SLC25A33: variants seen among roughly 807,000 people sequenced by gnomAD.
SLC25A33 encodes bone marrow stromal cell mitochondrial carrier protein.
A neutral mutation model predicts 35.5 loss-of-function variants in SLC25A33; 15 were observed. That is an observed-to-expected ratio of 0.42 (90% confidence interval 0.28 to 0.65). The LOEUF is 0.65. SLC25A33 is among the 30% of genes least tolerant of loss of function. The probability of loss-of-function intolerance (pLI) is 0.20; values close to 1 mark genes in which losing one functional copy is unlikely to be tolerated. For synonymous variants in SLC25A33, 136 were observed against 148.7 expected (o/e 0.91, Z 0.62); for missense variants, 257 against 398.5 (o/e 0.64, Z 3.02).
chr1:9,539,654 G>C lies in SLC25A33; in HGVS notation c.-38G>C. On this transcript the variant is annotated 5_prime_UTR_variant, in exon 1 of 7. Transcript: ENST00000302692. Reference sequence around the variant, plus strand: ...ATCCCTCGAGCCGCCACGCGCTCTCGCCACCGGGCGGCGACGGGCCGCGGA... The same window carrying C: ...ATCCCTCGAGCCGCCACGCGCTCTCCCCACCGGGCGGCGACGGGCCGCGGA... The C allele has an allele frequency of 6.8e-6, 9 of 1,332,090 alleles. No homozygotes were observed. The highest frequency in any genetic ancestry group is 8.6e-6 in the Non-Finnish European group (9 of 1,043,798). The allele number at this position is 1,332,090 out of a possible 1,614,324, so 82.5% of individuals were successfully genotyped here.
chr1:9,541,664 T>G (rs1028340659), intron 1 of SLC25A33, among the ~76,000 whole-genome samples: 1 of 150,566 alleles, frequency 6.6e-6, no homozygotes, highest in Non-Finnish European at 1.5e-5. Context: ...TTGTCTTTCT[T>G]GGGAATTTTA....
rs1207426361 is a variant in SLC25A33, at chr1:9,584,095, A to G, written c.*1594A>G. 6.6e-6 allele frequency: 1 copy of G among 152,084 alleles called. No individual in the cohort carries two copies. The allele number at this position is 152,084 out of a possible 1,614,324, so 9.4% of individuals were successfully genotyped here. On this transcript the variant is annotated 3_prime_UTR_variant, in exon 7 of 7. Coordinates refer to ENST00000302692, the MANE Select transcript of SLC25A33 (RefSeq NM_032315.3). ...TAAGAAGAAGGCAAGTAAAACCCCT[A>G]GTCTTCCATTAGCTCTTTCACTGGA...
chr1:9,552,224 ATTT>A (rs796523623), intron 1 of SLC25A33, among the ~76,000 whole-genome samples: 2 of 148,268 alleles, frequency 1.3e-5, no homozygotes, highest in African/African-American at 4.9e-5. Flanking sequence ...GATTAATCAG[ATTT>A]TTTTTTTTAA....
At chr1:9,542,926 G>A (rs975359090) in intron 1 of SLC25A33, among the ~76,000 whole-genome samples, 6 of 150,676 alleles carry the variant, frequency 4.0e-5, no homozygotes, top group East Asian at 2.0e-4. Context: ...AATTTGATTC[G>A]CGTGCCTCAG....
chr1:9,576,501 T>C (rs760894258), intron 5 of SLC25A33: 3 of 505,212 alleles, frequency 5.9e-6, no homozygotes, highest in Non-Finnish European at 1.2e-5. Flanking sequence ...GATGCACAGT[T>C]ACTGTGAATG....
At chr1:9,570,765 T>C (rs568107920) in intron 4 of SLC25A33, among the ~76,000 whole-genome samples, 2 of 143,450 alleles carry the variant, frequency 1.4e-5, no homozygotes, top group East Asian at 4.3e-4. Context: ...TGGACTGGAG[T>C]GCAGTGGTGC....
rs1471393849 is a variant in SLC25A33, at chr1:9,550,009, A to AT, written c.57-3616dup. 9.4e-3 allele frequency among the ~76,000 whole-genome samples: 486 copies of AT among 51,788 alleles called. 6 individuals carry two copies. Among genetic ancestry groups the AT allele is most frequent in the Non-Finnish European group, 0.014 (376 of 26,938 alleles). 34.0% of individuals were successfully genotyped at this position (51,788 alleles called of 152,430 possible). A position where few individuals can be genotyped will look rare whatever the true frequency, so the allele number is the denominator to read the frequency against. ...ATTTTTTCTATACATATATATATATATATTTTTTTTTTTTTTTTTTTTTTT... is the reference window on the plus strand; with the variant it reads ...ATTTTTTCTATACATATATATATATATTATTTTTTTTTTTTTTTTTTTTTTT... On this transcript the variant is annotated intron_variant, in intron 1 of 6. Transcript: ENST00000302692.
At chr1:9,556,713 C>CTGTG (rs941215777) in intron 2 of SLC25A33, among the ~76,000 whole-genome samples, 4 of 148,298 alleles carry the variant, frequency 2.7e-5, no homozygotes, top group African/African-American at 1.0e-4. Flanking sequence ...GTGTGTGTGT[C>CTGTG]TGTGTGTCTG....
rs141239153 is a variant in SLC25A33 at position 9,576,022 on chromosome 1, G to A, written c.482+2610G>A. 9.1e-4 allele frequency among the ~76,000 whole-genome samples: 138 copies of A among 152,232 alleles called. 1 individual carries two copies. Among genetic ancestry groups the A allele is most frequent in the Middle Eastern group, 3.4e-3 (1 of 294 alleles). On this transcript the variant is annotated intron_variant, in intron 5 of 6. Coordinates refer to ENST00000302692, the MANE Select transcript of SLC25A33 (RefSeq NM_032315.3). ...TCCTCCTAATTCCAAGTGTCCCATA[G>A]TAAACTCATATCACTTCTGTTTAGC...
chr1:9,565,563 A>G (rs551478740), intron 2 of SLC25A33, among the ~76,000 whole-genome samples: 2 of 151,426 alleles, frequency 1.3e-5, no homozygotes, highest in African/African-American at 4.8e-5. Flanking sequence ...TGTGTATGTC[A>G]TCACAAAAAA....
intron 2 of SLC25A33, among the ~76,000 whole-genome samples, chr1:9,564,739 A>AAATATATATAT (rs60174872): frequency 5.2e-5 from 5 of 96,580 alleles, no homozygotes; most frequent in African/African-American, 2.2e-4. Context: ...AAAAAAAAAA[A>AAATATATATAT]ATATATATAT....
intron 2 of SLC25A33, among the ~76,000 whole-genome samples, chr1:9,559,651 TGTAAC>T (rs1163331072): frequency 1.6e-4 from 25 of 152,166 alleles, no homozygotes; most frequent in African/African-American, 6.0e-4. Context: ...AGGCAGAGTC[TGTAAC>T]TCAGGACTTA....
chr1:9,569,824 T>G (rs1189576618), intron 3 of SLC25A33, among the ~76,000 whole-genome samples: 2 of 152,144 alleles, frequency 1.3e-5, no homozygotes, highest in African/African-American at 4.8e-5. Flanking sequence ...TGGCTGTTCC[T>G]GTGTGTTCCC....
intron 3 of SLC25A33, among the ~76,000 whole-genome samples, chr1:9,567,982 C>CA (rs1348963603): frequency 6.6e-6 from 1 of 152,176 alleles, no homozygotes; most frequent in East Asian, 1.9e-4. Flanking sequence ...TTCAAGCACT[C>CA]AATCTCCACA....
At chr1:9,548,361 C>T (rs1352357525) in intron 1 of SLC25A33, among the ~76,000 whole-genome samples, 3 of 152,192 alleles carry the variant, frequency 2.0e-5, no homozygotes, top group Admixed American at 6.5e-5. Context: ...GCGGGCGCAT[C>T]TCCTGAGGTC....
At chr1:9,558,927 C>T (rs115698001) in intron 2 of SLC25A33, among the ~76,000 whole-genome samples, 3,140 of 152,214 alleles carry the variant, frequency 0.021, 104 homozygotes, top group African/African-American at 0.071. Context: ...ATCCCTGTGG[C>T]CTACTAGGTT....
intron 5 of SLC25A33, among the ~76,000 whole-genome samples, chr1:9,579,243 T>C (rs1643703994): frequency 6.6e-6 from 1 of 152,040 alleles, no homozygotes. Flanking sequence ...CAGCTGGGTG[T>C]CCTCTCATTC....
intron 2 of SLC25A33, among the ~76,000 whole-genome samples, chr1:9,554,309 G>A (rs1164070800): frequency 1.3e-5 from 2 of 152,146 alleles, no homozygotes; most frequent in African/African-American, 4.8e-5. Context: ...TATTACAGGC[G>A]TGAGCCACCG....
intron 1 of SLC25A33, among the ~76,000 whole-genome samples, chr1:9,543,240 T>C (rs1643120632): frequency 6.6e-6 from 1 of 151,608 alleles, no homozygotes; most frequent in African/African-American, 2.4e-5. Flanking sequence ...ACCTCCTGGG[T>C]TCAAGTGATT....
Sources: gnomAD v4.1 joint callset for allele counts (sites outside exome capture counted in the v4.1 genomes callset) on GRCh38, gnomAD v4.1.1 for gene constraint, MANE v1.5 for transcripts, NCBI Gene and HGNC (gene_info 2026-07-23, HGNC 2026-07-21) for gene names.